The following B4GALT1 variants were observed in gnomAD, a reference collection of about 807,000 sequenced individuals.
B4GALT1 encodes N-acetyllactosamine synthase.
Under a neutral mutation model 34.9 loss-of-function variants are expected in B4GALT1, and 16 were observed. The observed-to-expected ratio is 0.46, with a 90% CI of 0.31 to 0.70. B4GALT1 has a LOEUF of 0.70. Among genes scored for constraint, B4GALT1 ranks in the 30% least tolerant of loss-of-function variants. The probability of loss-of-function intolerance (pLI) is 0.05; values close to 1 mark genes in which losing one functional copy is unlikely to be tolerated. For missense variants in B4GALT1, 445 were observed against 530.5 expected, an observed-to-expected ratio of 0.84 and a Z score of 1.58; for synonymous variants, 221 against 218.1, an observed-to-expected ratio of 1.01 and a Z score of -0.12.
intron 1 of B4GALT1, among the ~76,000 whole-genome samples, chr9:33,145,156 C>G (rs1036199449): frequency 6.6e-6 from 1 of 152,154 alleles, no homozygotes; most frequent in Admixed American, 6.5e-5. Flanking sequence ...CCTTTTGTTT[C>G]TAGGTTTAGC....
intron 1 of B4GALT1, among the ~76,000 whole-genome samples, chr9:33,143,135 A>G (rs1334262781): frequency 6.6e-6 from 1 of 152,024 alleles, no homozygotes; most frequent in African/African-American, 2.4e-5. Context: ...ACAAAGCAAG[A>G]CTCCATCTCA....
chr9:33,163,525 C>G (rs62544387), intron 1 of B4GALT1, among the ~76,000 whole-genome samples: 27,156 of 152,228 alleles, frequency 0.18, 3,071 homozygotes, highest in Admixed American at 0.26. Context: ...GCTGAGCCCC[C>G]AGGCCAGCCT....
At chr9:33,162,212 C>T (rs1484587453) in intron 1 of B4GALT1, among the ~76,000 whole-genome samples, 2 of 152,146 alleles carry the variant, frequency 1.3e-5, no homozygotes, top group Non-Finnish European at 1.5e-5. Context: ...AAAATTTTCA[C>T]ACAACCAAAT....
chr9:33,156,116 G>C (rs546225890), intron 1 of B4GALT1, among the ~76,000 whole-genome samples: 206 of 151,354 alleles, frequency 1.4e-3, no homozygotes, highest in African/African-American at 4.8e-3. Context: ...TGCTGGATCT[G>C]TAAACTTTTT....
chr9:33,163,848 T>G (rs1218734795), intron 1 of B4GALT1, among the ~76,000 whole-genome samples: 1 of 152,084 alleles, frequency 6.6e-6, no homozygotes, highest in African/African-American at 2.4e-5. Context: ...CCTGGGAGGA[T>G]TCCCTGGAGA....
intron 1 of B4GALT1, among the ~76,000 whole-genome samples, chr9:33,159,384 A>G (rs1840643518): frequency 6.6e-6 from 1 of 152,158 alleles, no homozygotes; most frequent in Non-Finnish European, 1.5e-5. Flanking sequence ...TATCCGTCAC[A>G]CTGCTGACAT....
intron 2 of B4GALT1, among the ~76,000 whole-genome samples, chr9:33,129,840 C>T (rs966225332): frequency 2.2e-4 from 33 of 152,022 alleles, no homozygotes; most frequent in Non-Finnish European, 4.6e-4. Flanking sequence ...CAAAGGCACA[C>T]AGAGGGGAGA....
chr9:33,122,507 C>CA (rs367853898), intron 2 of B4GALT1, among the ~76,000 whole-genome samples: 1 of 137,656 alleles, frequency 7.3e-6, no homozygotes, highest in East Asian at 3.2e-4. Context: ...ACCCCCATCT[C>CA]AAAAAAATAA....
At chr9:33,170,057 C>T (rs961248446), upstream of B4GALT1, among the ~76,000 whole-genome samples, 17 of 148,802 alleles carry the variant, frequency 1.1e-4, no homozygotes, top group Non-Finnish European at 2.2e-4. Flanking sequence ...GCAAGCTCTG[C>T]CTCCTGGGTT....
At chr9:33,126,095 G>A (rs550793316) in intron 2 of B4GALT1, among the ~76,000 whole-genome samples, 11 of 152,238 alleles carry the variant, frequency 7.2e-5, no homozygotes, top group Admixed American at 2.0e-4. Context: ...ATGCAAGAAC[G>A]CAGCACTAAG....
chr9:33,107,307 T>C (rs1278306328), downstream of B4GALT1, among the ~76,000 whole-genome samples: 4 of 152,290 alleles, frequency 2.6e-5, no homozygotes, highest in East Asian at 5.8e-4. Context: ...AAACCAGCCC[T>C]TAGGAATGTC....
chr9:33,113,602 C>G lies in B4GALT1; in HGVS notation c.1065-16G>C, dbSNP rs370475223. 3.7e-6 allele frequency: 6 copies of G among 1,614,178 alleles called. No individual in the cohort carries two copies. In the African/African-American group the frequency reaches 6.7e-5, roughly 18 times the overall value. On this transcript the variant is annotated splice_polypyrimidine_tract_variant and intron_variant, in intron 5 of 5. Coordinates refer to ENST00000379731, the MANE Select transcript of B4GALT1 (RefSeq NM_001497.4). ...TCGGTCAAACCTACAAGGAAAAGAG[C>G]ACAAGGAGATTGTCTTAAAACAAAA...
chr9:33,128,813 T>C (rs1002176627), intron 2 of B4GALT1, among the ~76,000 whole-genome samples: 3 of 152,164 alleles, frequency 2.0e-5, no homozygotes, highest in Non-Finnish European at 2.9e-5. Context: ...ACTAATGGGA[T>C]AGACCCAGGA....
At chr9:33,119,815 G>T (rs1839994118) in intron 3 of B4GALT1, among the ~76,000 whole-genome samples, 2 of 152,162 alleles carry the variant, frequency 1.3e-5, no homozygotes, top group South Asian at 4.1e-4. Context: ...AAAACTTGTG[G>T]GGCAAGAGAA....
chr9:33,115,341 G>A (rs913537696), intron 4 of B4GALT1, among the ~76,000 whole-genome samples: 6 of 152,208 alleles, frequency 3.9e-5, no homozygotes, highest in Admixed American at 2.0e-4. Context: ...GGTGCTCATC[G>A]GTGGCTGGTG....
In B4GALT1 at chr9:33,113,426, T is replaced by G. The variant is rs1276344427; in HGVS notation, c.*28A>C. ...ACACAGCAGAGGTCCCTGGCTAATT[T>G]CAGGTCTCTTATCCGTGTACCAAAA... On this transcript the variant is annotated 3_prime_UTR_variant, in exon 6 of 6. Coordinates refer to ENST00000379731, the MANE Select transcript of B4GALT1 (RefSeq NM_001497.4). 1 of 1,614,094 alleles carries G rather than the reference T, an allele frequency of 6.2e-7. No individual in the cohort carries two copies.
At chr9:33,176,370 C>T in the B4GALT1 span, among the ~76,000 whole-genome samples, 1 of 152,042 alleles carries the variant, frequency 6.6e-6, no homozygotes, top group Non-Finnish European at 1.5e-5. Flanking sequence ...CAAACCATAC[C>T]CCCAAATCTC....
chr9:33,134,795 T>C (rs1457891901), intron 2 of B4GALT1, among the ~76,000 whole-genome samples: 1 of 152,196 alleles, frequency 6.6e-6, no homozygotes, highest in Non-Finnish European at 1.5e-5. Context: ...GGATAAACTT[T>C]GAAGTTACCT....
the B4GALT1 span, among the ~76,000 whole-genome samples, chr9:33,173,813 A>C: frequency 6.6e-6 from 1 of 152,216 alleles, no homozygotes; most frequent in Non-Finnish European, 1.5e-5. Flanking sequence ...TCAGAAAGTG[A>C]GGAAGAACTC....
Sources: gnomAD v4.1 joint callset for allele counts (sites outside exome capture counted in the v4.1 genomes callset) on GRCh38, gnomAD v4.1.1 for gene constraint, MANE v1.5 for transcripts, NCBI Gene and HGNC (gene_info 2026-07-23, HGNC 2026-07-21) for gene names.